Variants in IGSF9B observed in about 807,000 individuals in gnomAD.
IGSF9B encodes protein turtle homolog B.
In IGSF9B, 48 loss-of-function variants were observed where a neutral mutation model predicts 143.7. The observed-to-expected ratio is 0.33, with a 90% CI of 0.26 to 0.42. IGSF9B has a LOEUF of 0.42. Among genes scored for constraint, IGSF9B ranks in the 20% least tolerant of loss-of-function variants. The pLI, the probability that IGSF9B is intolerant of heterozygous loss-of-function variation, is 1.00. For synonymous variants in IGSF9B, 903 were observed against 833.1 expected (o/e 1.08, Z -1.44); for missense variants, 1,706 against 1,980.0 (o/e 0.86, Z 2.63).
chr11:133,921,608 G>A (rs1939540290), intron 17 of IGSF9B, among the ~76,000 whole-genome samples: 1 of 151,600 alleles, frequency 6.6e-6, no homozygotes, highest in Admixed American at 6.6e-5. Context: ...TTGCTATGTT[G>A]CCCAGACTGG....
intron 15 of IGSF9B, 53 bp from the exon 16 acceptor site, chr11:133,922,783 C>T: frequency 6.8e-7 from 1 of 1,473,954 alleles, no homozygotes; most frequent in Non-Finnish European, 9.1e-7. Context: ...GGGACCTCAC[C>T]TGCTCCGACC....
At position 133,928,289 on chromosome 11, in the gene IGSF9B, G is replaced by A. The variant is rs1270761681; in HGVS notation, c.1632-1198C>T. Among the ~76,000 whole-genome samples the A allele has an allele frequency of 3.3e-5, 5 of 152,150 alleles. No individual in the cohort carries two copies. The highest frequency in any genetic ancestry group is 9.7e-5 in the African/African-American group (4 of 41,440). On this transcript the variant is annotated intron_variant, in intron 12 of 19. Transcript: ENST00000533871. The surrounding 1 kb of genome is among the most constrained non-coding windows in gnomAD (Gnocchi z 4.7). ...CGGGCAGGCTGGTTAGGGCCCCCAC[G>A]CTGCTGCGGGAGGAACAGAGTAAGG...
chr11:133,932,113 C>T lies in IGSF9B; in HGVS notation c.1068G>A (p.Val356=). ...GACGGCCGTCCTTGTTCCACTTGAC[C>T]ACGGTGGCCGGTGGTTCTGCGTCCA... ...CPVDAEPPAT[V]VKWNKDGRPL... The change falls in exon 8 of 20, where the codon GTG becomes GTA. Residue 356 remains valine, a synonymous_variant. Coordinates refer to ENST00000533871, the MANE Select transcript of IGSF9B (RefSeq NM_001277285.4). 1.9e-6 allele frequency: 3 copies of T among 1,613,830 alleles called. No homozygotes were observed. Among genetic ancestry groups the T allele is most frequent in the Non-Finnish European group, 2.5e-6 (3 of 1,179,816 alleles).
rs1565409545 is a variant in IGSF9B at position 133,901,893 on chromosome 11, AC to A, written c.*7175del. 1.4e-5 allele frequency among the ~76,000 whole-genome samples: 2 copies of A among 145,690 alleles called. No individual in the cohort carries two copies. Among genetic ancestry groups the A allele is most frequent in the Non-Finnish European group, 3.0e-5 (2 of 65,668 alleles). ...CACACGCACCACACACACACACAAC[AC>A]ACACACAACACACCACACACAACAC... On this transcript the variant is annotated 3_prime_UTR_variant, in exon 20 of 20. Coordinates refer to ENST00000533871, the MANE Select transcript of IGSF9B (RefSeq NM_001277285.4).
Position 133,935,709 on chromosome 11 carries a change from C to G in IGSF9B, c.875G>C (p.Arg292Pro). The change falls in exon 7 of 20, where the codon CGG becomes CCG. Residue 292 changes from arginine (R) to proline (P), a missense_variant. By Grantham distance (103) the Arg-to-Pro change is moderately radical. Coordinates refer to ENST00000533871, the MANE Select transcript of IGSF9B (RefSeq NM_001277285.4). Reference sequence around the variant, plus strand: ...CTTCCCCGAGTCCTCCGGCTTCACCCGGAAGATGATCAGGGTCCCATCGAT... The same window carrying G: ...CTTCCCCGAGTCCTCCGGCTTCACCGGGAAGATGATCAGGGTCCCATCGAT... ...ILIDGTLIIF[R>P]VKPEDSGKYT... 6.2e-7 allele frequency: 1 copy of G among 1,611,094 alleles called. No homozygotes were observed. Among genetic ancestry groups the G allele is most frequent in the Non-Finnish European group, 8.5e-7 (1 of 1,178,880 alleles).
At chr11:133,926,397 G>C (rs756500965) in intron 13 of IGSF9B, among the ~76,000 whole-genome samples, 1 of 152,230 alleles carries the variant, frequency 6.6e-6, no homozygotes, top group Non-Finnish European at 1.5e-5. Context: ...CTGGGAAAGG[G>C]GCTGGAGTCG....
Position 133,906,847 on chromosome 11 carries a change from A to G in IGSF9B, c.*2222T>C, listed in dbSNP as rs1939217655. ...GAAATCTCACACTGCCAGTGCATAAAGGCTGCACGTCAGCTTGCGGTAAGC... is the reference window on the plus strand; with the variant it reads ...GAAATCTCACACTGCCAGTGCATAAGGGCTGCACGTCAGCTTGCGGTAAGC... On this transcript the variant is annotated 3_prime_UTR_variant, in exon 20 of 20. Coordinates refer to ENST00000533871, the MANE Select transcript of IGSF9B (RefSeq NM_001277285.4). Among the ~76,000 whole-genome samples, 1 of 152,242 alleles carries G rather than the reference A, an allele frequency of 6.6e-6. No homozygotes were observed. Among genetic ancestry groups the G allele is most frequent in the East Asian group, 1.9e-4 (1 of 5,156 alleles).
At position 133,937,395 on chromosome 11, in the gene IGSF9B, C is replaced by T. The variant is rs761695827; in HGVS notation, c.660G>A (p.Thr220=). The part of the protein sequence containing the change: ...AYSIQGEAVH[T]THLLVQGPPF... Reference sequence around the variant, plus strand: ...TCCTACCTTGGACAAGCAGGTGAGTCGTGTGGACAGCCTCCCCCTGAATGC... The same window carrying T: ...TCCTACCTTGGACAAGCAGGTGAGTTGTGTGGACAGCCTCCCCCTGAATGC... The change falls in exon 5 of 20, where the codon ACG becomes ACA. Residue 220 remains threonine (T), a synonymous_variant. Coordinates refer to ENST00000533871, the MANE Select transcript of IGSF9B (RefSeq NM_001277285.4). 5.6e-6 allele frequency: 9 copies of T among 1,612,294 alleles called. No individual in the cohort carries two copies. The Admixed American group carries it at 8.3e-5, about 15-fold the overall frequency.
At position 133,907,532 on chromosome 11, in the gene IGSF9B, G is replaced by T. The variant is rs1013948963; in HGVS notation, c.*1537C>A. Among the ~76,000 whole-genome samples the T allele has an allele frequency of 1.3e-5, 2 of 152,192 alleles. No homozygotes were observed. Among genetic ancestry groups the T allele is most frequent in the Admixed American group, 6.5e-5 (1 of 15,280 alleles). ...AGAAGGGGGGCTCCTACACAAGAGT[G>T]GGGGAGGGGCAGATCTCCCCTCCAC... On this transcript the variant is annotated 3_prime_UTR_variant, in exon 20 of 20. Coordinates refer to ENST00000533871, the MANE Select transcript of IGSF9B (RefSeq NM_001277285.4).
At position 133,904,439 on chromosome 11, in the gene IGSF9B, C is replaced by T. The variant is rs1198502018; in HGVS notation, c.*4630G>A. On this transcript the variant is annotated 3_prime_UTR_variant, in exon 20 of 20. Transcript: ENST00000533871. ...TGGTTTGGGCACTTAGTGTTAGAGG[C>T]TAATTCTAGAAGAAGCAAGGAAGAT... is the stretch of plus-strand genomic sequence containing the variant. Among the ~76,000 whole-genome samples the T allele has an allele frequency of 6.6e-6, 1 of 152,106 alleles. No homozygotes were observed. Among genetic ancestry groups the T allele is most frequent in the Non-Finnish European group, 1.5e-5 (1 of 68,020 alleles).
chr11:133,926,113 G>A, intron 13 of IGSF9B, 148 bp from the exon 14 acceptor site: 2 of 631,624 alleles, frequency 3.2e-6, no homozygotes, highest in South Asian at 1.9e-5. Flanking sequence ...TGCCTTCAGA[G>A]TACGTCTAAA....
rs1278588811 is a variant in IGSF9B, at chr11:133,900,922, G to A, written c.*8147C>T. The stretch of plus-strand genomic sequence containing the variant: ...ACAAACCAAGACAGGTGTCACCGTA[G>A]GTCCCTAGGTAGTCTCAACCACCCC... On this transcript the variant is annotated 3_prime_UTR_variant, in exon 20 of 20. Transcript: ENST00000533871. 6.6e-6 allele frequency: 1 copy of A among 152,192 alleles called. No homozygotes were observed. Among genetic ancestry groups the A allele is most frequent in the African/African-American group, 2.4e-5 (1 of 41,420 alleles). 9.4% of individuals were successfully genotyped at this position (152,192 alleles called of 1,614,324 possible).
In IGSF9B at chr11:133,901,431, T is replaced by C. The variant is rs1338942338; in HGVS notation, c.*7638A>G. 2.0e-5 allele frequency: 3 copies of C among 152,138 alleles called. No homozygotes were observed. The highest frequency in any genetic ancestry group is 4.8e-5 in the African/African-American group (2 of 41,396). The allele number at this position is 152,138 out of a possible 1,614,324, so 9.4% of individuals were successfully genotyped here. On this transcript the variant is annotated 3_prime_UTR_variant, in exon 20 of 20. Coordinates refer to ENST00000533871, the MANE Select transcript of IGSF9B (RefSeq NM_001277285.4). Reference sequence around the variant, plus strand: ...AGATATATAGACTTTATCTAGGTGTTCTTTATATTTATATATGTGTGCAGA... The same window carrying C: ...AGATATATAGACTTTATCTAGGTGTCCTTTATATTTATATATGTGTGCAGA...
At chr11:133,940,722 G>A (rs528029434) in intron 3 of IGSF9B, among the ~76,000 whole-genome samples, 110 of 145,966 alleles carry the variant, frequency 7.5e-4, no homozygotes, top group East Asian at 1.8e-3. Context: ...GTCCTCGCAC[G>A]CGTCATCACA....
Position 133,906,989 on chromosome 11 carries a change from G to T in IGSF9B, c.*2080C>A, listed in dbSNP as rs1270143554. On this transcript the variant is annotated 3_prime_UTR_variant, in exon 20 of 20. Transcript: ENST00000533871. ...CAGAGGGTGTGCTACCTGGAAAAAAGAACACAAAGAGTTGTGTGCTCTTCC... is the reference window on the plus strand; with the variant it reads ...CAGAGGGTGTGCTACCTGGAAAAAATAACACAAAGAGTTGTGTGCTCTTCC... Among the ~76,000 whole-genome samples the T allele has an allele frequency of 6.6e-6, 1 of 152,142 alleles. No individual in the cohort carries two copies. Among genetic ancestry groups the T allele is most frequent in the Non-Finnish European group, 1.5e-5 (1 of 68,034 alleles).
At chr11:133,933,012 C>A (rs922101832) in intron 7 of IGSF9B, among the ~76,000 whole-genome samples, 1 of 150,716 alleles carries the variant, frequency 6.6e-6, no homozygotes, top group Admixed American at 6.6e-5. Context: ...CACAGGGAAG[C>A]CAGGTGGGAG....
intron 3 of IGSF9B, 37 bp from the exon 4 acceptor site, chr11:133,937,998 C>A (rs774884998): frequency 1.9e-6 from 3 of 1,606,426 alleles, no homozygotes; most frequent in Non-Finnish European, 2.6e-6. Context: ...GACACGCCAT[C>A]AGCCACATCG....
chr11:133,909,078 A>C lies in IGSF9B; in HGVS notation c.4305T>G (p.Thr1435=), dbSNP rs1337248375. ...CTAGAGTGGGGTGGAGTCACAGCAA[A>C]GTGGCATGTCCTGGGTCATCGTGGT... ...SVDHDDPGHA[T]LL The change falls in exon 20 of 20, where the codon ACT becomes ACG. Residue 1435 remains threonine (T), a synonymous_variant. Coordinates refer to ENST00000533871, the MANE Select transcript of IGSF9B (RefSeq NM_001277285.4). This position sits in a 1 kb window ranked among gnomAD's most constrained non-coding sequence, Gnocchi z 4.2. The C allele has an allele frequency of 3.3e-6, 5 of 1,535,428 alleles. No homozygotes were observed. The highest frequency in any genetic ancestry group is 1.2e-5 in the South Asian group (1 of 84,040).
Position 133,902,465 on chromosome 11 carries a change from TACACACACC to T in IGSF9B, c.*6595_*6603del, listed in dbSNP as rs1565409939. On this transcript the variant is annotated 3_prime_UTR_variant, in exon 20 of 20. Transcript: ENST00000533871. ...ACCACCCAGACACACCACACACAGA[TACACACACC>T]ACACACAACACACACACACACCAGA... is the stretch of plus-strand genomic sequence containing the variant. 2.8e-5 allele frequency among the ~76,000 whole-genome samples: 1 copy of T among 35,766 alleles called. No homozygotes were observed. The highest frequency in any genetic ancestry group is 6.7e-5 in the African/African-American group (1 of 14,890). 23.5% of individuals were successfully genotyped at this position (35,766 alleles called of 152,430 possible). A position where few individuals can be genotyped will look rare whatever the true frequency, so the allele number is the denominator to read the frequency against.
Sources: allele counts gnomAD v4.1 joint callset (sites outside exome capture counted in the v4.1 genomes callset), GRCh38; gene constraint gnomAD v4.1.1; non-coding constraint Gnocchi (gnomAD v3.1); transcripts MANE v1.5; gene names NCBI Gene and HGNC (gene_info 2026-07-23, HGNC 2026-07-21).